Variants in FARS2 observed in about 807,000 individuals in gnomAD.
FARS2 encodes phenylalanyl-tRNA synthetase 2, mitochondrial.
A neutral mutation model predicts 46.4 loss-of-function variants in FARS2; 40 were observed. That is an observed-to-expected ratio of 0.86 (90% CI 0.67 to 1.12). The LOEUF (loss-of-function observed/expected upper bound fraction) is 1.12. Ranked by LOEUF, FARS2 falls within the 50% of genes most tolerant of loss-of-function variation. FARS2 has a pLI of 0.00. For missense variants in FARS2, 513 were observed against 567.9 expected (o/e 0.90, Z 0.98); for synonymous variants, 234 against 214.9 (o/e 1.09, Z -0.78).
chr6:5,455,873 T>C (rs1764821019), intron 4 of FARS2, among the ~76,000 whole-genome samples: 1 of 152,202 alleles, frequency 6.6e-6, no homozygotes, highest in Non-Finnish European at 1.5e-5. Context: ...TTTAAGATTA[T>C]TTATTATCTC....
chr6:5,356,806 A>T (rs1408100646), intron 1 of FARS2, among the ~76,000 whole-genome samples: 1 of 152,176 alleles, frequency 6.6e-6, no homozygotes, highest in East Asian at 1.9e-4. Flanking sequence ...AACTTTATAG[A>T]CTATACTGCA....
At chr6:5,681,261 T>G (rs2150833866) in intron 6 of FARS2, among the ~76,000 whole-genome samples, 1 of 152,386 alleles carries the variant, frequency 6.6e-6, no homozygotes, top group South Asian at 2.1e-4. Context: ...GACAAGGAAC[T>G]ATTTTGCAGG....
intron 3 of FARS2, among the ~76,000 whole-genome samples, chr6:5,406,262 G>A (rs1335884203): frequency 6.6e-6 from 1 of 152,206 alleles, no homozygotes; most frequent in Admixed American, 6.5e-5. Context: ...CATATCTAAA[G>A]TGTACATTTT....
At chr6:5,541,639 T>C (rs1399219785) in intron 4 of FARS2, among the ~76,000 whole-genome samples, 2 of 152,222 alleles carry the variant, frequency 1.3e-5, no homozygotes, top group East Asian at 3.8e-4. Context: ...TACTAGGTCA[T>C]ATTCTGCTAT....
chr6:5,305,100 T>C (rs1309753344), intron 1 of FARS2, among the ~76,000 whole-genome samples: 1 of 152,080 alleles, frequency 6.6e-6, no homozygotes, highest in Non-Finnish European at 1.5e-5. Flanking sequence ...CTGAATGGAG[T>C]GCTTGTGTGG....
At chr6:5,707,121 C>A (rs1758809451) in intron 6 of FARS2, among the ~76,000 whole-genome samples, 1 of 152,194 alleles carries the variant, frequency 6.6e-6, no homozygotes, top group African/African-American at 2.4e-5. Context: ...TGTTGGATAT[C>A]ATCATCTTGT....
At chr6:5,458,919 A>G (rs1357813169) in intron 4 of FARS2, among the ~76,000 whole-genome samples, 4 of 152,224 alleles carry the variant, frequency 2.6e-5, no homozygotes, top group Non-Finnish European at 5.9e-5. Flanking sequence ...TCTACCCTGA[A>G]GATACATTTT....
chr6:5,356,853 T>C (rs1757964471), intron 1 of FARS2, among the ~76,000 whole-genome samples: 1 of 152,212 alleles, frequency 6.6e-6, no homozygotes, highest in Non-Finnish European at 1.5e-5. Flanking sequence ...TTATTTCTTA[T>C]ATGCTTTGCA....
chr6:5,253,008 C>T, the FARS2 span, among the ~76,000 whole-genome samples: 2 of 152,212 alleles, frequency 1.3e-5, no homozygotes, highest in Admixed American at 6.5e-5. Flanking sequence ...ACTTAGGAGA[C>T]CAGCTCCTTT....
At chr6:5,553,951 AGGT>A in intron 5 of FARS2, among the ~76,000 whole-genome samples, 1 of 152,200 alleles carries the variant, frequency 6.6e-6, no homozygotes, top group Non-Finnish European at 1.5e-5. Flanking sequence ...TGGTCTGACT[AGGT>A]GGTGAAACTC....
At chr6:5,741,570 C>A (rs1248389768) in intron 6 of FARS2, among the ~76,000 whole-genome samples, 1 of 152,220 alleles carries the variant, frequency 6.6e-6, no homozygotes, top group East Asian at 1.9e-4. Context: ...GGTCTATAAC[C>A]CCTGTGGGTA....
At chr6:5,494,453 G>A (rs1228626848) in intron 4 of FARS2, among the ~76,000 whole-genome samples, 1 of 152,200 alleles carries the variant, frequency 6.6e-6, no homozygotes, top group Non-Finnish European at 1.5e-5. Flanking sequence ...AACTCTGCGT[G>A]TTTAGGTGTC....
At chr6:5,672,882 G>A (rs1479977753) in intron 6 of FARS2, among the ~76,000 whole-genome samples, 1 of 152,134 alleles carries the variant, frequency 6.6e-6, no homozygotes, top group Non-Finnish European at 1.5e-5. Flanking sequence ...GCCTTTGAGT[G>A]GTGAGAGTAA....
rs542656814 is a variant in FARS2 at position 5,587,158 on chromosome 6, T to G, written c.1066-26011T>G. Among the ~76,000 whole-genome samples, 8 of 152,328 alleles carry G rather than the reference T, an allele frequency of 5.3e-5. No individual in the cohort carries two copies. The South Asian group carries it at 1.7e-3, about 32-fold the overall frequency. ...TTCATTTAACCTTTTTGGGCCTAAT[T>G]TTCTTCATCTATAAAATGGAAACAA... On this transcript the variant is annotated intron_variant, in intron 5 of 6. Coordinates refer to ENST00000274680, the MANE Select transcript of FARS2 (RefSeq NM_006567.5).
chr6:5,719,853 T>C (rs952822999), intron 6 of FARS2, among the ~76,000 whole-genome samples: 4 of 152,252 alleles, frequency 2.6e-5, no homozygotes, highest in African/African-American at 9.6e-5. Context: ...TTGTAAAGCA[T>C]AGTGTTTGCT....
rs748980252 is a variant in FARS2 at position 5,751,806 on chromosome 6, T to G, written c.1218-19485T>G. Among the ~76,000 whole-genome samples the G allele has an allele frequency of 3.9e-5, 6 of 152,366 alleles. 1 individual carries two copies. The highest frequency in any genetic ancestry group is 7.3e-5 in the Non-Finnish European group (5 of 68,036). ...CCAATGAGATCACAAAAAAGGACTCTCAGTTTCTTCCATTTAAAAATGATT... is the reference window on the plus strand; with the variant it reads ...CCAATGAGATCACAAAAAAGGACTCGCAGTTTCTTCCATTTAAAAATGATT... On this transcript the variant is annotated intron_variant, in intron 6 of 6. Coordinates refer to ENST00000274680, the MANE Select transcript of FARS2 (RefSeq NM_006567.5).
chr6:5,490,358 T>G (rs565341908), intron 4 of FARS2, among the ~76,000 whole-genome samples: 111 of 152,378 alleles, frequency 7.3e-4, no homozygotes, highest in Non-Finnish European at 1.3e-3. Context: ...GCTGTGAGCA[T>G]TCATGGACAC....
chr6:5,620,127 G>C (rs1193199960), intron 6 of FARS2, among the ~76,000 whole-genome samples: 3 of 151,918 alleles, frequency 2.0e-5, no homozygotes, highest in Non-Finnish European at 4.4e-5. Flanking sequence ...TCTTTGTCCT[G>C]TGCATTATAC....
chr6:5,581,477 G>T (rs1434276336), intron 5 of FARS2, among the ~76,000 whole-genome samples: 3 of 152,200 alleles, frequency 2.0e-5, no homozygotes, highest in African/African-American at 7.2e-5. Flanking sequence ...GTCCCAGAGG[G>T]CAGCAGAACT....
Sources: allele counts gnomAD v4.1 joint callset (sites outside exome capture counted in the v4.1 genomes callset), GRCh38; gene constraint gnomAD v4.1.1; transcripts MANE v1.5; gene names NCBI Gene and HGNC (gene_info 2026-07-23, HGNC 2026-07-21).